Variants in TNFRSF10C observed in about 807,000 individuals in gnomAD.
The protein encoded by TNFRSF10C is TNF receptor superfamily member 10c, also known as tumor necrosis factor receptor superfamily member 10C.
TNFRSF10C carries 17 observed loss-of-function variants against 16.7 expected under a neutral mutation model. The observed-to-expected ratio is 1.02, with a 90% CI of 0.70 to 1.53. The LOEUF (loss-of-function observed/expected upper bound fraction) is 1.53. TNFRSF10C is among the 40% of genes most tolerant of loss of function. The probability of loss-of-function intolerance (pLI) is 0.00; values close to 1 mark genes in which losing one functional copy is unlikely to be tolerated. For missense variants in TNFRSF10C, 237 were observed against 329.7 expected, an observed-to-expected ratio of 0.72 and a Z score of 2.18; for synonymous variants, 73 against 119.7, an observed-to-expected ratio of 0.61 and a Z score of 2.55.
intron 2 of TNFRSF10C, among the ~76,000 whole-genome samples, chr8:23,113,235 C>T (rs915299979): frequency 3.6e-4 from 55 of 152,188 alleles, no homozygotes; most frequent in Non-Finnish European, 1.2e-4. Flanking sequence ...TATTGACCCT[C>T]ATTCTGTAGG....
At chr8:23,108,165 AAAGG>A (rs1813813362) in intron 1 of TNFRSF10C, among the ~76,000 whole-genome samples, 1 of 152,066 alleles carries the variant, frequency 6.6e-6, no homozygotes, top group South Asian at 2.1e-4. Flanking sequence ...AACAGGAAGG[AAAGG>A]AAGGAACAGG....
At chr8:23,113,826 G>A (rs578256896) in intron 2 of TNFRSF10C, among the ~76,000 whole-genome samples, 4 of 152,010 alleles carry the variant, frequency 2.6e-5, no homozygotes, top group South Asian at 4.1e-4. Context: ...GTGGTGGTGC[G>A]TCGCCTATAA....
intron 2 of TNFRSF10C, among the ~76,000 whole-genome samples, chr8:23,113,377 C>G (rs1011590677): frequency 6.6e-5 from 10 of 152,154 alleles, no homozygotes; most frequent in African/African-American, 2.4e-4. Context: ...TTGCCCAGAC[C>G]AACATCATGA....
rs1371659560 is a variant in TNFRSF10C at position 23,114,774 on chromosome 8, C to T, written c.280+4C>T. On this transcript the variant is annotated splice_donor_region_variant and intron_variant, in intron 3 of 4. Coordinates refer to ENST00000356864, the MANE Select transcript of TNFRSF10C (RefSeq NM_003841.5). ...CCATGTACAGTTTGTAAATCAGGTA[C>T]AGAATGTGTGGACCTCTTGTCCAGA... The T allele has an allele frequency of 2.5e-6, 4 of 1,612,200 alleles. No individual in the cohort carries two copies. The South Asian group carries it at 4.4e-5, about 18-fold the overall frequency.
rs78780090 is a variant in TNFRSF10C, at chr8:23,105,866, G to T, written c.60+2685G>T. Among the ~76,000 whole-genome samples, 465 of 152,284 alleles carry T rather than the reference G, an allele frequency of 3.1e-3. 19 individuals carry two copies. In the East Asian group the frequency reaches 0.073, roughly 24 times the overall value. ...TTTCCTAACAACCCGGGGAGATGAA[G>T]GTAGGTTGTTTTTCCTGTTTTACAA... On this transcript the variant is annotated intron_variant, in intron 1 of 4. Coordinates refer to ENST00000356864, the MANE Select transcript of TNFRSF10C (RefSeq NM_003841.5).
Position 23,103,200 on chromosome 8 carries a change from C to G in TNFRSF10C, c.60+19C>G. 1.2e-6 allele frequency: 2 copies of G among 1,605,212 alleles called. No homozygotes were observed. The highest frequency in any genetic ancestry group is 1.1e-5 in the South Asian group (1 of 89,188). ...GCTGCCAGTGAGTCCCGGCCGCGGT[C>G]CCTGGCTGGGGAAGAGCGCACCTGG... On this transcript the variant is annotated intron_variant, in intron 1 of 4. Coordinates refer to ENST00000356864, the MANE Select transcript of TNFRSF10C (RefSeq NM_003841.5).
intron 3 of TNFRSF10C, among the ~76,000 whole-genome samples, chr8:23,115,181 GT>G (rs149237649): frequency 0.31 from 46,676 of 151,618 alleles, 8,540 homozygotes; most frequent in Middle Eastern, 0.45. Flanking sequence ...CTTTGGGGAA[GT>G]CCCCCAAGGC....
At chr8:23,104,450 C>G (rs988808876) in intron 1 of TNFRSF10C, among the ~76,000 whole-genome samples, 1 of 152,094 alleles carries the variant, frequency 6.6e-6, no homozygotes, top group Non-Finnish European at 1.5e-5. Flanking sequence ...TGGTTAGATC[C>G]CATCCTGACG....
At position 23,105,180 on chromosome 8, in the gene TNFRSF10C, C is replaced by T. The variant is rs982933001; in HGVS notation, c.60+1999C>T. Among the ~76,000 whole-genome samples, 10 of 152,314 alleles carry T rather than the reference C, an allele frequency of 6.6e-5. No individual in the cohort carries two copies. The East Asian group carries it at 7.7e-4, about 12-fold the overall frequency. On this transcript the variant is annotated intron_variant, in intron 1 of 4. Coordinates refer to ENST00000356864, the MANE Select transcript of TNFRSF10C (RefSeq NM_003841.5). The stretch of plus-strand genomic sequence containing the variant: ...AAGGTTGTGAATGGCTGGGCCCTGC[C>T]GTGCTCCCCCTCTGGCTCTGTGACT...
intron 1 of TNFRSF10C, among the ~76,000 whole-genome samples, chr8:23,104,580 G>C (rs1213120905): frequency 6.6e-6 from 1 of 152,156 alleles, no homozygotes; most frequent in Non-Finnish European, 1.5e-5. Context: ...TTCTCCTTCT[G>C]TGGGATAAAT....
At chr8:23,103,308 G>A in intron 1 of TNFRSF10C, 127 bp downstream of exon 1, 3 of 1,488,944 alleles carry the variant, frequency 2.0e-6, no homozygotes, top group East Asian at 2.5e-5. Flanking sequence ...CGGGCAGGAC[G>A]AACTCGCCGT....
intron 1 of TNFRSF10C, among the ~76,000 whole-genome samples, chr8:23,106,604 T>A: frequency 8.4e-6 from 1 of 119,260 alleles, no homozygotes; most frequent in African/African-American, 3.4e-5. Flanking sequence ...AGCAAGTAAC[T>A]ATGTGAGGAG....
chr8:23,113,914 C>G (rs1813927518), intron 2 of TNFRSF10C, among the ~76,000 whole-genome samples: 1 of 151,196 alleles, frequency 6.6e-6, no homozygotes, highest in Admixed American at 6.6e-5. Flanking sequence ...CGAGATTGTG[C>G]CACTGCACTC....
In TNFRSF10C at chr8:23,111,834, T is replaced by C; in HGVS notation, c.166+9T>C. 6.2e-7 allele frequency: 1 copy of C among 1,611,806 alleles called. No homozygotes were observed. The highest frequency in any genetic ancestry group is 1.7e-4 in the Middle Eastern group (1 of 6,056). On this transcript the variant is annotated intron_variant, in intron 2 of 4. Coordinates refer to ENST00000356864, the MANE Select transcript of TNFRSF10C (RefSeq NM_003841.5). ...GGAGGAGTGTCCAGCAGGTGCACTC[T>C]TATTTTTAAAAATCAGTTTATTTTT...
chr8:23,116,372 GCCT>G (rs1813982209), intron 4 of TNFRSF10C, among the ~76,000 whole-genome samples: 1 of 152,162 alleles, frequency 6.6e-6, no homozygotes, highest in Non-Finnish European at 1.5e-5. Context: ...CCTAACGCAG[GCCT>G]CCTCTGCAGC....
intron 1 of TNFRSF10C, among the ~76,000 whole-genome samples, chr8:23,110,216 A>G (rs531419135): frequency 8.4e-4 from 128 of 152,238 alleles, no homozygotes; most frequent in African/African-American, 2.8e-3. Flanking sequence ...GCCTGAACCT[A>G]GAGGGACTCC....
chr8:23,111,417 G>A (rs187352299), intron 1 of TNFRSF10C, among the ~76,000 whole-genome samples: 226 of 151,756 alleles, frequency 1.5e-3, no homozygotes, highest in African/African-American at 5.1e-3. Context: ...GGGTTTCACC[G>A]TGTTGGCCAG....
intron 1 of TNFRSF10C, among the ~76,000 whole-genome samples, chr8:23,108,472 G>A (rs1035695191): frequency 6.6e-6 from 1 of 152,166 alleles, no homozygotes; most frequent in African/African-American, 2.4e-5. Context: ...CAACACTGCT[G>A]GTGTCAGAAG....
chr8:23,112,401 C>T (rs553795958), intron 2 of TNFRSF10C, among the ~76,000 whole-genome samples: 3 of 152,334 alleles, frequency 2.0e-5, no homozygotes, highest in African/African-American at 7.2e-5. Context: ...CGCCATGTCA[C>T]ACAATACATC....
Sources: allele counts gnomAD v4.1 joint callset (sites outside exome capture counted in the v4.1 genomes callset), GRCh38; gene constraint gnomAD v4.1.1; transcripts MANE v1.5; gene names NCBI Gene and HGNC (gene_info 2026-07-23, HGNC 2026-07-21).